The following ERC1 variants were observed in gnomAD, a reference collection of about 807,000 sequenced individuals.
The protein encoded by ERC1 is RAB6 interacting protein 2.
A neutral mutation model predicts 132.0 loss-of-function variants in ERC1; 56 were observed. That is an observed-to-expected ratio of 0.42 (90% confidence interval 0.34 to 0.53). The LOEUF is 0.53. ERC1 is among the 20% of genes least tolerant of loss of function. The probability of loss-of-function intolerance (pLI) is 0.03; values close to 1 mark genes in which losing one functional copy is unlikely to be tolerated. For synonymous variants in ERC1, 478 were observed against 476.1 expected, an observed-to-expected ratio of 1.00 and a Z score of -0.05; for missense variants, 1,202 against 1,349.9, an observed-to-expected ratio of 0.89 and a Z score of 1.72.
At chr12:1,308,743 G>C (rs545265135) in intron 15 of ERC1, among the ~76,000 whole-genome samples, 1 of 152,326 alleles carries the variant, frequency 6.6e-6, no homozygotes, top group South Asian at 2.1e-4. Flanking sequence ...CTTGGAATCA[G>C]ATTGGCCACT....
At position 1,028,295 on chromosome 12, in the gene ERC1, C is replaced by T. The variant is rs942178384; in HGVS notation, c.392C>T (p.Pro131Leu). The stretch of plus-strand genomic sequence containing the variant: ...ATAGCATTTGGAGAGCATCACCTCC[C>T]TCCTGTGAGTATGGCATCCACTGTA... ...DTIAFGEHHL[P>L]PVSMASTVPH... The change falls in exon 2 of 19, where the codon CCT (proline) becomes CTT (leucine). Residue 131 changes from proline (P) to leucine (L), a missense_variant. By Grantham distance (98) the Pro-to-Leu change is moderately conservative. Coordinates refer to ENST00000360905, the MANE Select transcript of ERC1 (RefSeq NM_178040.4). 2.5e-6 allele frequency: 4 copies of T among 1,614,160 alleles called. No homozygotes were observed. In the African/African-American group the frequency reaches 4.0e-5, roughly 16 times the overall value.
chr12:1,092,893 G>A (rs1291820958), intron 3 of ERC1, among the ~76,000 whole-genome samples: 5 of 152,158 alleles, frequency 3.3e-5, no homozygotes, highest in African/African-American at 7.2e-5. Flanking sequence ...CCCAGGAGGC[G>A]GAGGTTGCAG....
chr12:1,270,273 T>C (rs73027490), intron 14 of ERC1, among the ~76,000 whole-genome samples: 12,934 of 152,106 alleles, frequency 0.085, 716 homozygotes, highest in African/African-American at 0.15. Context: ...AGCGGTGGGA[T>C]CTTGGCTCAC....
chr12:1,171,356 CTTTT>C (rs57007848), intron 8 of ERC1, among the ~76,000 whole-genome samples: 5 of 87,294 alleles, frequency 5.7e-5, no homozygotes, highest in Non-Finnish European at 1.2e-4. Context: ...GCAAAACATT[CTTTT>C]TTTTTTTTTT....
At chr12:1,192,252 G>A (rs1473786193) in intron 12 of ERC1, among the ~76,000 whole-genome samples, 5 of 152,182 alleles carry the variant, frequency 3.3e-5, no homozygotes, top group Non-Finnish European at 7.4e-5. Context: ...TACAAACTAA[G>A]GTAGATTTTA....
chr12:1,438,590 A>G (rs904657393), intron 17 of ERC1, among the ~76,000 whole-genome samples: 4 of 152,326 alleles, frequency 2.6e-5, no homozygotes, highest in African/African-American at 9.6e-5. Flanking sequence ...CGTAGTAGAT[A>G]TAAAAATAAT....
chr12:1,226,629 C>T (rs2074594224), intron 12 of ERC1, among the ~76,000 whole-genome samples: 1 of 152,204 alleles, frequency 6.6e-6, no homozygotes, highest in South Asian at 2.1e-4. Flanking sequence ...TCTCTGAGTT[C>T]TGTGAATTTG....
At chr12:1,285,341 GA>G (rs1380823207) in intron 14 of ERC1, among the ~76,000 whole-genome samples, 2 of 152,082 alleles carry the variant, frequency 1.3e-5, no homozygotes, top group African/African-American at 2.4e-5. Flanking sequence ...AGTCAAGTGG[GA>G]AACCAAATCC....
intron 6 of ERC1, among the ~76,000 whole-genome samples, chr12:1,112,677 A>G (rs1236857563): frequency 6.6e-6 from 1 of 152,192 alleles, no homozygotes; most frequent in Non-Finnish European, 1.5e-5. Context: ...TATCACCTAG[A>G]GTTTATTTGA....
chr12:1,472,257 T>C (rs1328717301), intron 18 of ERC1, among the ~76,000 whole-genome samples: 1 of 152,242 alleles, frequency 6.6e-6, no homozygotes, highest in Non-Finnish European at 1.5e-5. Context: ...TTGCAGAGTT[T>C]TCAGTGCCAT....
At chr12:1,318,468 C>G (rs1034424481) in intron 15 of ERC1, among the ~76,000 whole-genome samples, 1 of 152,192 alleles carries the variant, frequency 6.6e-6, no homozygotes, top group Non-Finnish European at 1.5e-5. Context: ...TTGGCAAGCT[C>G]AAACTGTTCG....
chr12:1,230,164 G>GC (rs1460199053), intron 12 of ERC1, among the ~76,000 whole-genome samples: 1 of 151,906 alleles, frequency 6.6e-6, no homozygotes, highest in Non-Finnish European at 1.5e-5. Context: ...GTGCCACCAC[G>GC]CCTGGCTAAT....
At chr12:1,110,071 A>C (rs1320850848) in intron 4 of ERC1, 121 bp from the exon 5 acceptor site, 1 of 819,042 alleles carries the variant, frequency 1.2e-6, no homozygotes, top group African/African-American at 1.8e-5. Context: ...CAATTGCCAG[A>C]CAGCATTTTT....
At chr12:1,385,630 G>A (rs2089256606) in intron 16 of ERC1, among the ~76,000 whole-genome samples, 1 of 152,164 alleles carries the variant, frequency 6.6e-6, no homozygotes. Flanking sequence ...AAGAACAGAA[G>A]GAAACCTGTT....
At chr12:1,196,905 TACACACA>T (rs1956331123) in intron 12 of ERC1, among the ~76,000 whole-genome samples, 2 of 57,718 alleles carry the variant, frequency 3.5e-5, no homozygotes, top group Non-Finnish European at 6.4e-5. Flanking sequence ...TCTGTCTCTC[TACACACA>T]CACACACACA....
rs1352281748 is a variant in ERC1, at chr12:1,492,141, C to T, written c.*1911C>T. The T allele has an allele frequency of 8.6e-6, 2 of 232,678 alleles. No homozygotes were observed. Among genetic ancestry groups the T allele is most frequent in the South Asian group, 1.8e-4 (1 of 5,524 alleles). 14.4% of individuals were successfully genotyped at this position (232,678 alleles called of 1,614,324 possible). A position where few individuals can be genotyped will look rare whatever the true frequency, so the allele number is the denominator to read the frequency against. On this transcript the variant is annotated 3_prime_UTR_variant, in exon 19 of 19. Transcript: ENST00000360905. ...CTCCCTGTGAGAGGAAACTGTGGAG[C>T]GTTTCTTATCGAAGGTTAAATGGAC...
intron 18 of ERC1, among the ~76,000 whole-genome samples, chr12:1,484,133 A>C (rs77365116): frequency 6.6e-6 from 1 of 151,180 alleles, no homozygotes; most frequent in Admixed American, 6.6e-5. Flanking sequence ...GTGAAACCCC[A>C]TCTCTACTAA....
rs140857480 is a variant in ERC1 at position 1,490,121 on chromosome 12, G to A, written c.3242G>A (p.Arg1081Gln). 16 of 1,613,962 alleles carry A rather than the reference G, an allele frequency of 9.9e-6. No homozygotes were observed. The highest frequency in any genetic ancestry group is 5.3e-5 in the African/African-American group (4 of 74,902). ...CAGGATGAGTTAGAGAAAGGTGAAC[G>A]GGACAATGCAGAACTGCAGGAGTTT... is the stretch of plus-strand genomic sequence containing the variant. ...QLQDELEKGE[R>Q]DNAELQEFAN... is the part of the protein sequence containing the mutation. Residue 1081 changes from arginine (R) to glutamine (Q), a missense_variant, in exon 19 of 19, where the codon CGG becomes CAG. Physicochemically the swap from Arg to Gln is conservative, Grantham distance 43. Transcript: ENST00000360905.
chr12:1,418,156 T>G (rs1004893105), intron 17 of ERC1, among the ~76,000 whole-genome samples: 3 of 152,182 alleles, frequency 2.0e-5, no homozygotes, highest in Non-Finnish European at 4.4e-5. Context: ...TTAAAGACGT[T>G]ATTATGCCTT....
Sources: gnomAD v4.1 joint callset for allele counts (sites outside exome capture counted in the v4.1 genomes callset) on GRCh38, gnomAD v4.1.1 for gene constraint, MANE v1.5 for transcripts, NCBI Gene and HGNC (gene_info 2026-07-23, HGNC 2026-07-21) for gene names.